The following UVSSA variants were observed in gnomAD, a reference collection of about 807,000 sequenced individuals.
The protein encoded by UVSSA is UV-stimulated scaffold protein A.
A neutral mutation model predicts 73.9 loss-of-function variants in UVSSA; 72 were observed. That is an observed-to-expected ratio of 0.97 (90% confidence interval 0.81 to 1.19). UVSSA has a LOEUF of 1.19. Among genes scored for constraint, UVSSA ranks in the 50% most tolerant of loss-of-function variants. The pLI is 0.00. For missense variants in UVSSA, 1,150 were observed against 965.0 expected (o/e 1.19, Z -2.54); for synonymous variants, 454 against 391.3 (o/e 1.16, Z -1.89).
upstream of UVSSA, among the ~76,000 whole-genome samples, chr4:1,344,379 T>G (rs1188404389): frequency 6.6e-6 from 1 of 152,052 alleles, no homozygotes; most frequent in Non-Finnish European, 1.5e-5. Context: ...GGTGAAACCC[T>G]GTTTCTACTA....
chr4:1,378,121 C>T (rs1316861193), intron 10 of UVSSA, among the ~76,000 whole-genome samples: 2 of 152,198 alleles, frequency 1.3e-5, no homozygotes, highest in African/African-American at 2.4e-5. Context: ...AGCCTGGGCT[C>T]GCCCCTTTCA....
intron 7 of UVSSA, among the ~76,000 whole-genome samples, chr4:1,357,162 G>A (rs977415477): frequency 4.1e-5 from 6 of 146,198 alleles, no homozygotes; most frequent in South Asian, 2.2e-4. Flanking sequence ...TATTGGTGAG[G>A]GTCCATAGAG....
rs372485544 is a variant in UVSSA at position 1,375,276 on chromosome 4, A to G, written c.1289-88A>G. 8.2e-4 allele frequency: 1,280 copies of G among 1,570,282 alleles called. 36 individuals are homozygous for G. The South Asian group carries it at 0.013, about 16-fold the overall frequency. On this transcript the variant is annotated intron_variant, in intron 8 of 13. Transcript: ENST00000389851. The stretch of plus-strand genomic sequence containing the variant: ...GTTGGAAGATGGAACACGCTAACGC[A>G]TAGGCGCGTCCTAACTGCCCGGTCT...
intron 10 of UVSSA, 95 bp from the exon 11 acceptor site, chr4:1,379,952 A>G (rs1719267698): frequency 7.1e-7 from 1 of 1,408,444 alleles, no homozygotes; most frequent in Non-Finnish European, 9.6e-7. Context: ...GCTGGGCTGC[A>G]GTGGTGTTTG....
At chr4:1,355,802 C>T (rs980296484) in intron 7 of UVSSA, among the ~76,000 whole-genome samples, 2 of 152,128 alleles carry the variant, frequency 1.3e-5, no homozygotes, top group African/African-American at 4.8e-5. Flanking sequence ...GGGCTGGAGG[C>T]TGGAGGGAGG....
At chr4:1,349,353 G>A (rs868536454) in intron 2 of UVSSA, among the ~76,000 whole-genome samples, 171 bp from the exon 3 acceptor site, 1 of 152,244 alleles carries the variant, frequency 6.6e-6, no homozygotes, top group African/African-American at 2.4e-5. Flanking sequence ...GGAGGTAGAT[G>A]TGGCCCTTGG....
exon 14 of UVSSA, chr4:1,395,516 A>G (rs13112754): frequency 3.0e-5 from 41 of 1,351,622 alleles, no homozygotes; most frequent in East Asian, 1.8e-4. Flanking sequence ...GCTCACACAC[A>G]TGCCGATGTG....
chr4:1,350,031 A>G (rs1714451676), intron 3 of UVSSA, among the ~76,000 whole-genome samples, 177 bp downstream of exon 3: 1 of 152,158 alleles, frequency 6.6e-6, no homozygotes, highest in Non-Finnish European at 1.5e-5. Context: ...GGCAGCATCT[A>G]GGGTCACGGC....
intron 5 of UVSSA, among the ~76,000 whole-genome samples, chr4:1,354,048 T>C (rs1263924623): frequency 7.1e-6 from 1 of 140,616 alleles, no homozygotes; most frequent in Non-Finnish European, 1.7e-5. Flanking sequence ...ATCGCTCTCT[T>C]TGAGGAACCT....
rs372704748 is a variant in UVSSA at position 1,353,426 on chromosome 4, G to A, written c.934+13G>A. 51 of 1,477,700 alleles carry A rather than the reference G, an allele frequency of 3.5e-5. 1 individual carries two copies. The South Asian group carries it at 4.7e-4, about 14-fold the overall frequency. The allele number at this position is 1,477,700 out of a possible 1,614,324, so 91.5% of individuals were successfully genotyped here. A position where few individuals can be genotyped will look rare whatever the true frequency, so the allele number is the denominator to read the frequency against. Reference sequence around the variant, plus strand: ...GAGCTCTGCTCAGGTAACTGCCTTCGCGGGGTCTCTGTGGCGCCACCCTGC... The same window carrying A: ...GAGCTCTGCTCAGGTAACTGCCTTCACGGGGTCTCTGTGGCGCCACCCTGC... On this transcript the variant is annotated intron_variant, in intron 5 of 13. Transcript: ENST00000389851.
intron 10 of UVSSA, among the ~76,000 whole-genome samples, chr4:1,378,560 T>C (rs369011948): frequency 9.9e-5 from 15 of 151,316 alleles, no homozygotes; most frequent in East Asian, 9.7e-4. Context: ...GAAAAAAAAA[T>C]AGCCAGTGGT....
In UVSSA at chr4:1,380,996, T is replaced by C; in HGVS notation, c.1861+8T>C. 1 of 1,610,478 alleles carries C rather than the reference T, an allele frequency of 6.2e-7. No individual in the cohort carries two copies. Among genetic ancestry groups the C allele is most frequent in the South Asian group, 1.1e-5 (1 of 90,850 alleles). ...AGAAGCAGGAGCGCCCGGGTAGGTC[T>C]GGGCAAGGCGGTCACCGTGGGAGGC... On this transcript the variant is annotated splice_region_variant and intron_variant, in intron 12 of 13. Coordinates refer to ENST00000389851, the MANE Select transcript of UVSSA (RefSeq NM_020894.4).
At chr4:1,380,817 G>A (rs2109300443) in intron 11 of UVSSA, 63 bp from the exon 12 acceptor site, 1 of 1,594,426 alleles carries the variant, frequency 6.3e-7, no homozygotes. Flanking sequence ...GTGGTGGTGG[G>A]GGGAGGTGGT....
intron 7 of UVSSA, 154 bp from the exon 8 acceptor site, chr4:1,366,166 G>T (rs1044937484): frequency 1.4e-5 from 9 of 639,340 alleles, no homozygotes; most frequent in Non-Finnish European, 2.0e-5. Flanking sequence ...CCTTGGAGAC[G>T]ATCTTAAATG....
chr4:1,364,613 A>C (rs1717072653), intron 7 of UVSSA, among the ~76,000 whole-genome samples: 1 of 152,156 alleles, frequency 6.6e-6, no homozygotes, highest in Non-Finnish European at 1.5e-5. Flanking sequence ...TTTCTCTTAT[A>C]AACCCATTAA....
intron 5 of UVSSA, among the ~76,000 whole-genome samples, chr4:1,354,255 C>T (rs959622404): frequency 7.9e-5 from 12 of 152,166 alleles, no homozygotes; most frequent in African/African-American, 2.4e-4. Flanking sequence ...CTCTGCCCTG[C>T]GCCGGACACT....
chr4:1,372,605 T>G (rs1000991104), intron 8 of UVSSA, among the ~76,000 whole-genome samples: 1 of 151,820 alleles, frequency 6.6e-6, no homozygotes, highest in Admixed American at 6.6e-5. Flanking sequence ...CAGGTTGATA[T>G]GAACACGTGG....
intron 5 of UVSSA, 39 bp from the exon 6 acceptor site, chr4:1,354,696 G>T: frequency 6.3e-7 from 1 of 1,588,290 alleles, no homozygotes; most frequent in Non-Finnish European, 8.6e-7. Flanking sequence ...GGAGACGCCA[G>T]TCGGCGCCCT....
At chr4:1,372,131 C>G (rs1457022641) in intron 8 of UVSSA, among the ~76,000 whole-genome samples, 1 of 152,204 alleles carries the variant, frequency 6.6e-6, no homozygotes, top group Non-Finnish European at 1.5e-5. Context: ...CCTCCTCTGT[C>G]TTTTGGTCAC....
Sources: allele counts gnomAD v4.1 joint callset (sites outside exome capture counted in the v4.1 genomes callset), GRCh38; gene constraint gnomAD v4.1.1; transcripts MANE v1.5; gene names NCBI Gene and HGNC (gene_info 2026-07-23, HGNC 2026-07-21).